The following ZNF395 variants were observed in gnomAD, a reference collection of about 807,000 sequenced individuals.
ZNF395 encodes the protein zinc finger protein 395, also known as HD gene regulatory region-binding protein 2.
Under a neutral mutation model 57.7 loss-of-function variants are expected in ZNF395, and 20 were observed. That is an observed-to-expected ratio of 0.35 (90% CI 0.24 to 0.50). ZNF395 has a LOEUF of 0.50. Among genes scored for constraint, ZNF395 ranks in the 20% least tolerant of loss-of-function variants. ZNF395 has a pLI of 0.97. For synonymous variants in ZNF395, 295 were observed against 275.9 expected, an observed-to-expected ratio of 1.07 and a Z score of -0.69; for missense variants, 606 against 671.2, an observed-to-expected ratio of 0.90 and a Z score of 1.07.
At chr8:28,374,136 G>A (rs911315596) in intron 1 of ZNF395, among the ~76,000 whole-genome samples, 26 of 152,292 alleles carry the variant, frequency 1.7e-4, no homozygotes, top group Middle Eastern at 3.4e-3. Flanking sequence ...AAGGGAGACC[G>A]GGCAGAGGTT....
intron 1 of ZNF395, among the ~76,000 whole-genome samples, chr8:28,382,446 A>G (rs954225683): frequency 6.6e-6 from 1 of 152,036 alleles, no homozygotes; most frequent in African/African-American, 2.4e-5. Flanking sequence ...TCACACAATC[A>G]TAGACTTTAC....
At chr8:28,373,515 A>C (rs1437529919) in intron 1 of ZNF395, among the ~76,000 whole-genome samples, 3 of 152,168 alleles carry the variant, frequency 2.0e-5, no homozygotes, top group Non-Finnish European at 4.4e-5. Context: ...TTTAAGCCAC[A>C]CTGGATTACA....
intron 1 of ZNF395, chr8:28,365,637 C>A (rs1052036517): frequency 7.2e-5 from 11 of 152,194 alleles, no homozygotes; most frequent in African/African-American, 2.7e-4. Context: ...GTGCTGAAGG[C>A]TTCTCAGGAA....
intron 1 of ZNF395, chr8:28,385,522 G>A (rs906437138): frequency 6.6e-6 from 1 of 151,242 alleles, no homozygotes; most frequent in African/African-American, 2.4e-5. Flanking sequence ...CGCCAGGGCG[G>A]GAGGGACGCG....
rs1180628016 is a variant in ZNF395 at position 28,346,640 on chromosome 8, C to G, written c.*2079G>C. ...GTATATCCAGTTATATCTACACGGT[C>G]CAAACTGGGGGCGGGGGGAATTCAA... is the stretch of plus-strand genomic sequence containing the variant. On this transcript the variant is annotated 3_prime_UTR_variant, in exon 10 of 10. Coordinates refer to ENST00000344423, the MANE Select transcript of ZNF395 (RefSeq NM_018660.3). The G allele has an allele frequency of 6.6e-6, 1 of 152,178 alleles. No individual in the cohort carries two copies. The highest frequency in any genetic ancestry group is 1.5e-5 in the Non-Finnish European group (1 of 68,090). The allele number at this position is 152,178 out of a possible 1,614,324, so 9.4% of individuals were successfully genotyped here. A position where few individuals can be genotyped will look rare whatever the true frequency, so the allele number is the denominator to read the frequency against.
Position 28,349,179 on chromosome 8 carries a change from G to A in ZNF395, c.1376C>T (p.Ala459Val), listed in dbSNP as rs150479868. Residue 459 changes from alanine to valine, a missense_variant, in exon 9 of 10, where the codon GCG becomes GTG. By Grantham distance (64) the Ala-to-Val change is moderately conservative. Transcript: ENST00000344423. Reference sequence around the variant, plus strand: ...AGTGACGATCAGATGAGATTTCATCGCAGGTGCTGGCTGCTGGGGCTCGCT... The same window carrying A: ...AGTGACGATCAGATGAGATTTCATCACAGGTGCTGGCTGCTGGGGCTCGCT... ...SFSEPQQPAP[A>V]MKSHLIVTSP... The A allele has an allele frequency of 2.7e-5, 42 of 1,563,044 alleles. No homozygotes were observed. The East Asian group carries it at 5.0e-4, about 19-fold the overall frequency.
At chr8:28,377,333 G>T (rs973370669) in intron 1 of ZNF395, among the ~76,000 whole-genome samples, 8 of 152,150 alleles carry the variant, frequency 5.3e-5, no homozygotes, top group Admixed American at 6.5e-5. Flanking sequence ...GAGCCCAGTG[G>T]GTCGAGGCTG....
Position 28,359,269 on chromosome 8 carries a change from G to A in ZNF395, c.473+323C>T, listed in dbSNP as rs547955390. ...ATACAAAAATTAGCCAGGCGTGGTG[G>A]TGCACGCCTGTAATCCCAGTTACTC... On this transcript the variant is annotated intron_variant, in intron 3 of 9. Transcript: ENST00000344423. This position sits in a 1 kb window ranked among gnomAD's most constrained non-coding sequence, Gnocchi z 4.7. Among the ~76,000 whole-genome samples, 1 of 152,292 alleles carries A rather than the reference G, an allele frequency of 6.6e-6. No individual in the cohort carries two copies. The highest frequency in any genetic ancestry group is 6.5e-5 in the Admixed American group (1 of 15,300).
In ZNF395 at chr8:28,356,623, G is replaced by C; in HGVS notation, c.583+47C>G. 7.0e-7 allele frequency: 1 copy of C among 1,433,200 alleles called. No homozygotes were observed. The highest frequency in any genetic ancestry group is 9.8e-7 in the Non-Finnish European group (1 of 1,022,920). The allele number at this position is 1,433,200 out of a possible 1,614,324, so 88.8% of individuals were successfully genotyped here. On this transcript the variant is annotated intron_variant, in intron 4 of 9. Coordinates refer to ENST00000344423, the MANE Select transcript of ZNF395 (RefSeq NM_018660.3). This position sits in a 1 kb window ranked among gnomAD's most constrained non-coding sequence, Gnocchi z 4.0. ...CTGCTCTGCACAGAGGATGTTTGTCGTGGGCCTCTACCATGCCCAGAACCC... is the reference window on the plus strand; with the variant it reads ...CTGCTCTGCACAGAGGATGTTTGTCCTGGGCCTCTACCATGCCCAGAACCC...
intron 1 of ZNF395, among the ~76,000 whole-genome samples, chr8:28,366,292 C>A (rs1382459836): frequency 6.6e-6 from 1 of 152,172 alleles, no homozygotes; most frequent in Non-Finnish European, 1.5e-5. Flanking sequence ...ACTGCAGGAA[C>A]AACAGTTTAA....
intron 1 of ZNF395, among the ~76,000 whole-genome samples, chr8:28,374,595 T>A (rs1213100279): frequency 6.6e-6 from 1 of 152,224 alleles, no homozygotes; most frequent in Non-Finnish European, 1.5e-5. Context: ...AGTGCACATC[T>A]GCGTTTCCAG....
At chr8:28,373,824 C>T (rs1047257219) in intron 1 of ZNF395, among the ~76,000 whole-genome samples, 1 of 152,152 alleles carries the variant, frequency 6.6e-6, no homozygotes, top group African/African-American at 2.4e-5. Flanking sequence ...TAAATCCTGC[C>T]CCCTTGTCTT....
chr8:28,363,463 A>C (rs531590007), intron 1 of ZNF395, among the ~76,000 whole-genome samples: 1 of 152,096 alleles, frequency 6.6e-6, no homozygotes, highest in Non-Finnish European at 1.5e-5. Flanking sequence ...ACTGTCACCT[A>C]CATACCTTCG....
At position 28,349,108 on chromosome 8, in the gene ZNF395, G is replaced by A. The variant is rs1480805852; in HGVS notation, c.1430+17C>T. The A allele has an allele frequency of 5.8e-6, 9 of 1,561,404 alleles. No individual in the cohort carries two copies. The South Asian group carries it at 6.0e-5, about 10-fold the overall frequency. Reference sequence around the variant, plus strand: ...GCACAGAAACCAGAAGGCAGGGGACGACAGCGGACATCTCACCTGGCACCA... The same window carrying A: ...GCACAGAAACCAGAAGGCAGGGGACAACAGCGGACATCTCACCTGGCACCA... On this transcript the variant is annotated intron_variant, in intron 9 of 9. Transcript: ENST00000344423.
chr8:28,349,144 G>C lies in ZNF395; in HGVS notation c.1411C>G (p.Arg471Gly). ...KSHLIVTSPP[R>G]AQSGARKARG... Reference sequence around the variant, plus strand: ...TCTCACCTGGCACCACTCTGGGCCCGGGGTGGAGAAGTGACGATCAGATGA... The same window carrying C: ...TCTCACCTGGCACCACTCTGGGCCCCGGGTGGAGAAGTGACGATCAGATGA... The change falls in exon 9 of 10, where the codon CGG becomes GGG. Residue 471 changes from arginine to glycine, a missense_variant. By Grantham distance (125) the Arg-to-Gly change is moderately radical (BLOSUM62 -2). Coordinates refer to ENST00000344423, the MANE Select transcript of ZNF395 (RefSeq NM_018660.3). The C allele has an allele frequency of 6.4e-7, 1 of 1,566,502 alleles. No homozygotes were observed. Among genetic ancestry groups the C allele is most frequent in the Non-Finnish European group, 8.6e-7 (1 of 1,158,006 alleles).
At position 28,347,629 on chromosome 8, in the gene ZNF395, C is replaced by T. The variant is rs1340290478; in HGVS notation, c.*1090G>A. On this transcript the variant is annotated 3_prime_UTR_variant, in exon 10 of 10. Coordinates refer to ENST00000344423, the MANE Select transcript of ZNF395 (RefSeq NM_018660.3). ...CTCCTGTCATTTCCTCATCCTGACG[C>T]TCACGGGTGCAAGGACTCTCCTTGG... 6.6e-6 allele frequency: 1 copy of T among 152,288 alleles called. No homozygotes were observed. Among genetic ancestry groups the T allele is most frequent in the African/African-American group, 2.4e-5 (1 of 41,440 alleles). The allele number at this position is 152,288 out of a possible 1,614,324, so 9.4% of individuals were successfully genotyped here.
At chr8:28,382,897 T>C (rs1280495677) in intron 1 of ZNF395, among the ~76,000 whole-genome samples, 2 of 152,196 alleles carry the variant, frequency 1.3e-5, no homozygotes, top group African/African-American at 4.8e-5. Flanking sequence ...AATAGAAATG[T>C]CAGAGATGAC....
intron 1 of ZNF395, chr8:28,375,418 T>C (rs113472459): frequency 1.3e-5 from 2 of 150,700 alleles, no homozygotes; most frequent in African/African-American, 4.9e-5. Flanking sequence ...AGAGACAAAA[T>C]TATAATATTT....
At chr8:28,385,517 G>A (rs1417956308) in intron 1 of ZNF395, 1 of 151,074 alleles carries the variant, frequency 6.6e-6, no homozygotes, top group Non-Finnish European at 1.5e-5. Flanking sequence ...GTGGCCGCCA[G>A]GGCGGGAGGG....
Sources: allele counts gnomAD v4.1 joint callset (sites outside exome capture counted in the v4.1 genomes callset), GRCh38; gene constraint gnomAD v4.1.1; non-coding constraint Gnocchi (gnomAD v3.1); transcripts MANE v1.5; gene names NCBI Gene and HGNC (gene_info 2026-07-23, HGNC 2026-07-21).